Variants in ASCC3 observed in about 807,000 individuals in gnomAD.
ASCC3 encodes the protein activating signal cointegrator 1 complex subunit 3.
In ASCC3, 158 loss-of-function variants were observed where a neutral mutation model predicts 256.3. The observed-to-expected ratio is 0.62, with a 90% CI of 0.54 to 0.70. ASCC3 has a LOEUF of 0.70. Among genes scored for constraint, ASCC3 ranks in the 30% least tolerant of loss-of-function variants. ASCC3 has a pLI of 0.00. For missense variants in ASCC3, 2,259 were observed against 2,626.0 expected (o/e 0.86, Z 3.05); for synonymous variants, 948 against 883.4 (o/e 1.07, Z -1.30).
intron 36 of ASCC3, among the ~76,000 whole-genome samples, chr6:100,570,147 G>C (rs932280534): frequency 6.6e-6 from 1 of 152,098 alleles, no homozygotes; most frequent in African/African-American, 2.4e-5. Context: ...CTGGAACCTT[G>C]CTAAAATCAT....
At chr6:100,608,449 TTATA>T (rs377614944) in intron 30 of ASCC3, among the ~76,000 whole-genome samples, 1 of 36,060 alleles carries the variant, frequency 2.8e-5, no homozygotes, top group Non-Finnish European at 4.4e-5. Flanking sequence ...TATATATATT[TTATA>T]TATATATACT....
intron 10 of ASCC3, among the ~76,000 whole-genome samples, chr6:100,758,691 T>A (rs1193845236): frequency 1.3e-5 from 2 of 152,222 alleles, no homozygotes; most frequent in Non-Finnish European, 2.9e-5. Flanking sequence ...AGTGCTGCAA[T>A]AAAGATGCGT....
At position 100,607,204 on chromosome 6, in the gene ASCC3, A is replaced by G. The variant is rs866172052; in HGVS notation, c.4786-116T>C. ...TTATGTTATTATATGGACATAAAAT[A>G]TAAGTCCTATATACAGTTATGATTA... On this transcript the variant is annotated intron_variant, in intron 30 of 41. Coordinates refer to ENST00000369162, the MANE Select transcript of ASCC3 (RefSeq NM_006828.4). The G allele has an allele frequency of 3.0e-5, 31 of 1,042,696 alleles. 1 individual carries two copies. Among genetic ancestry groups the G allele is most frequent in the Middle Eastern group, 4.4e-4 (2 of 4,580 alleles). 64.6% of individuals were successfully genotyped at this position (1,042,696 alleles called of 1,614,324 possible). A position where few individuals can be genotyped will look rare whatever the true frequency, so the allele number is the denominator to read the frequency against.
At chr6:100,809,143 T>C (rs917601073) in intron 4 of ASCC3, among the ~76,000 whole-genome samples, 1 of 151,910 alleles carries the variant, frequency 6.6e-6, no homozygotes, top group Admixed American at 6.6e-5. Flanking sequence ...ATAAACACTA[T>C]TCACTTTGGC....
chr6:100,743,898 T>G (rs1231351466), intron 10 of ASCC3, among the ~76,000 whole-genome samples: 2 of 152,192 alleles, frequency 1.3e-5, no homozygotes, highest in African/African-American at 4.8e-5. Flanking sequence ...GCCTGACAGA[T>G]AGGGATCAAT....
rs1034463586 is a variant in ASCC3 at position 100,508,682 on chromosome 6, G to C, written c.*704C>G. On this transcript the variant is annotated 3_prime_UTR_variant, in exon 42 of 42. Coordinates refer to ENST00000369162, the MANE Select transcript of ASCC3 (RefSeq NM_006828.4). ...AGGGAAAGAAAAGAAGAACAGATGA[G>C]TAAGGGGATATTATTTAAAGGAAGC... The C allele has an allele frequency of 1.3e-5, 2 of 152,206 alleles. No homozygotes were observed. Among genetic ancestry groups the C allele is most frequent in the Non-Finnish European group, 2.9e-5 (2 of 68,058 alleles). The allele number at this position is 152,206 out of a possible 1,614,324, so 9.4% of individuals were successfully genotyped here.
chr6:100,874,806 G>C (rs1003153366), intron 1 of ASCC3, among the ~76,000 whole-genome samples: 18 of 152,122 alleles, frequency 1.2e-4, no homozygotes, highest in African/African-American at 4.1e-4. Context: ...GAGGGCACTA[G>C]ATATAAAGAA....
chr6:100,825,578 G>T (rs750076859), intron 4 of ASCC3, among the ~76,000 whole-genome samples: 7 of 152,102 alleles, frequency 4.6e-5, no homozygotes, highest in Non-Finnish European at 8.8e-5. Context: ...ATGATTATGT[G>T]TCTTGAGGTT....
intron 8 of ASCC3, among the ~76,000 whole-genome samples, chr6:100,778,166 A>G (rs946307593): frequency 6.6e-5 from 10 of 151,984 alleles, no homozygotes; most frequent in South Asian, 4.1e-4. Context: ...AGTTTTTAGG[A>G]TATGAGGAAG....
intron 1 of ASCC3, among the ~76,000 whole-genome samples, chr6:100,880,576 T>C (rs1562367129): frequency 6.6e-6 from 1 of 152,110 alleles, no homozygotes; most frequent in Non-Finnish European, 1.5e-5. Context: ...CATTTATTTA[T>C]TTCAAAATGA....
intron 29 of ASCC3, 147 bp downstream of exon 29, chr6:100,627,443 T>A: frequency 9.6e-7 from 1 of 1,038,614 alleles, no homozygotes; most frequent in Non-Finnish European, 1.4e-6. Flanking sequence ...TATATTTGTA[T>A]TCCTTAACAG....
Position 100,800,422 on chromosome 6 carries a change from C to T in ASCC3, c.1005G>A (p.Gln335=). The T allele has an allele frequency of 6.2e-7, 1 of 1,612,690 alleles. No homozygotes were observed. The highest frequency in any genetic ancestry group is 8.5e-7 in the Non-Finnish European group (1 of 1,179,236). ...QVTIQSEQEK[Q]LMKQYRREEK... ...CTTCACGTCGATATTGTTTCATTAA[C>T]TGCTTTTCTTGTTCAGACTGAATAG... The change falls in exon 6 of 42, where the codon CAG becomes CAA. Residue 335 remains glutamine, a synonymous_variant. Coordinates refer to ENST00000369162, the MANE Select transcript of ASCC3 (RefSeq NM_006828.4).
chr6:100,599,419 G>C (rs1220926588), intron 34 of ASCC3, among the ~76,000 whole-genome samples: 6 of 152,136 alleles, frequency 3.9e-5, no homozygotes, highest in African/African-American at 1.2e-4. Flanking sequence ...TCACAGACTA[G>C]AGTGAACTAG....
At chr6:100,639,736 C>G (rs940583660) in intron 24 of ASCC3, among the ~76,000 whole-genome samples, 4 of 152,158 alleles carry the variant, frequency 2.6e-5, no homozygotes, top group African/African-American at 9.7e-5. Flanking sequence ...TTCCCCACTG[C>G]TCTATTCAGT....
chr6:100,624,021 A>G (rs1002952833), intron 30 of ASCC3, among the ~76,000 whole-genome samples: 1 of 151,942 alleles, frequency 6.6e-6, no homozygotes, highest in Non-Finnish European at 1.5e-5. Context: ...ATGTTAAATG[A>G]CGAGTTACTG....
chr6:100,663,862 T>A (rs545872708), intron 14 of ASCC3, among the ~76,000 whole-genome samples: 1 of 152,120 alleles, frequency 6.6e-6, no homozygotes, highest in Non-Finnish European at 1.5e-5. Context: ...ACGCACTTAA[T>A]TGACACCAAT....
intron 36 of ASCC3, among the ~76,000 whole-genome samples, chr6:100,560,521 C>T (rs1398155812): frequency 6.6e-6 from 1 of 152,032 alleles, no homozygotes; most frequent in Non-Finnish European, 1.5e-5. Flanking sequence ...TTAATCTCTG[C>T]TGGCAGCACT....
At chr6:100,816,049 C>T (rs536244293) in intron 4 of ASCC3, among the ~76,000 whole-genome samples, 4 of 151,770 alleles carry the variant, frequency 2.6e-5, no homozygotes, top group South Asian at 2.1e-4. Flanking sequence ...CTACAAGGAA[C>T]GTAAATTAAC....
chr6:100,844,226 T>A (rs951694682), intron 4 of ASCC3, among the ~76,000 whole-genome samples: 1 of 150,394 alleles, frequency 6.6e-6, no homozygotes, highest in African/African-American at 2.5e-5. Flanking sequence ...CTACCACTCT[T>A]TTGCTTTGTG....
Sources: allele counts gnomAD v4.1 joint callset (sites outside exome capture counted in the v4.1 genomes callset), GRCh38; gene constraint gnomAD v4.1.1; transcripts MANE v1.5; gene names NCBI Gene and HGNC (gene_info 2026-07-23, HGNC 2026-07-21).